The following SACS variants were observed in gnomAD, a reference collection of about 807,000 sequenced individuals.
The protein encoded by SACS is sacsin.
In SACS, 197 loss-of-function variants were observed where a neutral mutation model predicts 348.0. The ratio of observed to expected loss-of-function variants is 0.57; its 90% confidence interval spans 0.50 to 0.64. The LOEUF (loss-of-function observed/expected upper bound fraction) is 0.64, where lower values mean the gene tolerates loss of function less well. SACS is among the 30% of genes least tolerant of loss of function. The pLI, the probability that SACS is intolerant of heterozygous loss-of-function variation, is 0.00. For synonymous variants in SACS, 1,985 were observed against 1,910.6 expected (o/e 1.04, Z -1.02); for missense variants, 4,999 against 5,360.8 (o/e 0.93, Z 2.11).
chr13:23,340,139 T>C lies in SACS; in HGVS notation c.3737A>G (p.Tyr1246Cys), dbSNP rs951899422. 2 of 1,613,636 alleles carry C rather than the reference T, an allele frequency of 1.2e-6. No individual in the cohort carries two copies. The highest frequency in any genetic ancestry group is 1.7e-6 in the Non-Finnish European group (2 of 1,179,846). ...SSKTFSDEDY[Y>C]QFQHILLEIY... is the part of the protein sequence containing the mutation. ...CTCAAGCAAAATATGCTGGAATTGA[T>C]AGTAGTCTTCATCACTAAAGGTTTT... Residue 1246 changes from tyrosine (Y) to cysteine (C), a missense_variant, in exon 10 of 10, where the codon TAT (tyrosine) becomes TGT (cysteine). Tyr to Cys is a radical substitution (Grantham distance 194, BLOSUM62 -2). This residue lies in a region of SACS where 3,156 missense variants were observed against 3,380.1 expected (regional missense o/e 0.93). Transcript: ENST00000382292.
chr13:23,354,828 T>C lies in SACS; in HGVS notation c.1784A>G (p.Gln595Arg). The change falls in exon 8 of 10, where the codon CAG becomes CGG. Residue 595 changes from glutamine (Q) to arginine (R), a missense_variant. Around this residue, in one of 6 missense-constraint regions of SACS, gnomAD observed 3,156 missense variants for 3,380.1 expected, o/e 0.93. Coordinates refer to ENST00000382292, the MANE Select transcript of SACS (RefSeq NM_014363.6). ...CTTGGCAATCTGCTTCCCTGAGCTC[T>C]GGAGGTAGTTGAGCACAGTTTTTGT... ...EYTKTVLNYL[Q>R]SSGKQIAKVP... 2 of 1,614,236 alleles carry C rather than the reference T, an allele frequency of 1.2e-6. No homozygotes were observed. Among genetic ancestry groups the C allele is most frequent in the Non-Finnish European group, 1.7e-6 (2 of 1,180,026 alleles).
At chr13:23,356,806 A>C (rs187501657) in intron 7 of SACS, among the ~76,000 whole-genome samples, 2 of 152,162 alleles carry the variant, frequency 1.3e-5, no homozygotes, top group African/African-American at 2.4e-5. Flanking sequence ...GCAAGATGCA[A>C]CTCCAGTGAA....
In SACS at chr13:23,340,557, C is replaced by CCACTTGCACAACATCCT; in HGVS notation, c.3302_3318dup (p.Ala1107ArgfsTer25). The CCACTTGCACAACATCCT allele has an allele frequency of 6.2e-7, 1 of 1,611,822 alleles. No homozygotes were observed. Among genetic ancestry groups the CCACTTGCACAACATCCT allele is most frequent in the Non-Finnish European group, 8.5e-7 (1 of 1,179,348 alleles). On this transcript the variant is annotated frameshift_variant, in exon 10 of 10. Transcript: ENST00000382292. LOFTEE classifies it high-confidence loss of function. ...ACCTGTAAGGCTTCAATTTTTTTTG[C>CCACTTGCACAACATCCT]CACTTGCACAACATCCTTTTCTTTG...
In SACS at chr13:23,340,362, C is replaced by T. The variant is rs150694997; in HGVS notation, c.3514G>A (p.Val1172Ile). ...ERPPNYPGSL[V>I]WKGDLCNLCA... is the part of the protein sequence containing the mutation. Reference sequence around the variant, plus strand: ...AGATTACAGAGATCTCCTTTCCAGACCAAAGAGCCTGGATAATTTGGAGGC... The same window carrying T: ...AGATTACAGAGATCTCCTTTCCAGATCAAAGAGCCTGGATAATTTGGAGGC... The change falls in exon 10 of 10, where the codon GTC (valine) becomes ATC (isoleucine). Residue 1172 changes from valine (V) to isoleucine (I), a missense_variant. This residue lies in a region of SACS where 3,156 missense variants were observed against 3,380.1 expected (regional missense o/e 0.93). Transcript: ENST00000382292. The T allele has an allele frequency of 1.9e-6, 3 of 1,613,974 alleles. No individual in the cohort carries two copies. Among genetic ancestry groups the T allele is most frequent in the Non-Finnish European group, 2.5e-6 (3 of 1,179,978 alleles).
At chr13:23,378,817 C>T (rs1566093654) in intron 2 of SACS, among the ~76,000 whole-genome samples, 1 of 151,970 alleles carries the variant, frequency 6.6e-6, no homozygotes. Context: ...TGAATGCATG[C>T]TAATAATTAG....
At chr13:23,367,167 C>A (rs1871111750) in intron 5 of SACS, among the ~76,000 whole-genome samples, 1 of 152,208 alleles carries the variant, frequency 6.6e-6, no homozygotes, top group Non-Finnish European at 1.5e-5. Flanking sequence ...CCCAAAACCA[C>A]CTCGTAGCAA....
intron 6 of SACS, among the ~76,000 whole-genome samples, chr13:23,360,006 T>C (rs1870630205): frequency 6.6e-6 from 1 of 152,188 alleles, no homozygotes; most frequent in Admixed American, 6.5e-5. Flanking sequence ...GTGGGGACTC[T>C]GCAGTCAGGA....
intron 7 of SACS, 55 bp downstream of exon 7, chr13:23,358,280 A>T (rs1870516266): frequency 1.3e-6 from 2 of 1,570,900 alleles, no homozygotes; most frequent in African/African-American, 2.7e-5. Flanking sequence ...AATACATTAC[A>T]GAATGTAAGA....
chr13:23,345,658 A>T (rs1465055905), intron 9 of SACS, among the ~76,000 whole-genome samples: 6 of 152,240 alleles, frequency 3.9e-5, no homozygotes, highest in African/African-American at 1.4e-4. Flanking sequence ...TAAGAAAAAT[A>T]TAATAGTAAG....
Position 23,337,174 on chromosome 13 carries a change from A to C in SACS, c.6702T>G (p.Phe2234Leu). Residue 2234 changes from phenylalanine (F) to leucine (L), a missense_variant, in exon 10 of 10, where the codon TTT (phenylalanine) becomes TTG (leucine). Coordinates refer to ENST00000382292, the MANE Select transcript of SACS (RefSeq NM_014363.6). ...GFSLDWKGNS[F>L]KPETMFAATD... ...TTGCTGCAAACATGGTTTCAGGCTT[A>C]AAACTGTTGCCTTTCCAGTCCAAAG... is the stretch of plus-strand genomic sequence containing the variant. The C allele has an allele frequency of 6.2e-7, 1 of 1,614,002 alleles. No homozygotes were observed. Among genetic ancestry groups the C allele is most frequent in the Non-Finnish European group, 8.5e-7 (1 of 1,179,908 alleles).
intron 2 of SACS, among the ~76,000 whole-genome samples, chr13:23,396,322 T>TAA (rs1294931268): frequency 9.6e-6 from 1 of 103,798 alleles, no homozygotes; most frequent in African/African-American, 4.3e-5. Flanking sequence ...AGAATCTGTC[T>TAA]CAAAAAAAAA....
At position 23,336,397 on chromosome 13, in the gene SACS, T is replaced by C. The variant is rs756275071; in HGVS notation, c.7479A>G (p.Ala2493=). The part of the protein sequence containing the change: ...YCHADIPREV[A]VKLGAVPKRH... The stretch of plus-strand genomic sequence containing the variant: ...GCTTTGGGACTGCTCCTAGTTTTAC[T>C]GCTACTTCCCTGGGTATGTCAGCAT... Residue 2493 remains alanine, a synonymous_variant, in exon 10 of 10, where the codon GCA becomes GCG. Coordinates refer to ENST00000382292, the MANE Select transcript of SACS (RefSeq NM_014363.6). 1 of 1,614,116 alleles carries C rather than the reference T, an allele frequency of 6.2e-7. No individual in the cohort carries two copies. Among genetic ancestry groups the C allele is most frequent in the Non-Finnish European group, 8.5e-7 (1 of 1,179,942 alleles).
At position 23,355,093 on chromosome 13, in the gene SACS, T is replaced by C. The variant is rs372022664; in HGVS notation, c.1519A>G (p.Thr507Ala). ...CGTTTTATTGAATCTAAGATCAGAG[T>C]AGCATAAGCTTTGGGGACAACATTC... is the stretch of plus-strand genomic sequence containing the variant. Reference protein sequence around the residue: ...VMNVVPKAYATLILDSIKRLE... With the variant: ...VMNVVPKAYAALILDSIKRLE... The change falls in exon 8 of 10, where the codon ACT becomes GCT. Residue 507 changes from threonine (T) to alanine (A), a missense_variant. Around this residue, in one of 6 missense-constraint regions of SACS, gnomAD observed 3,156 missense variants for 3,380.1 expected, o/e 0.93. Coordinates refer to ENST00000382292, the MANE Select transcript of SACS (RefSeq NM_014363.6). The C allele has an allele frequency of 3.7e-5, 60 of 1,614,098 alleles. No individual in the cohort carries two copies. In the African/African-American group the frequency reaches 7.9e-4, roughly 21 times the overall value.
At position 23,358,351 on chromosome 13, in the gene SACS, A is replaced by C; in HGVS notation, c.588T>G (p.Ser196=). 2 of 1,614,172 alleles carry C rather than the reference A, an allele frequency of 1.2e-6. No individual in the cohort carries two copies. Among genetic ancestry groups the C allele is most frequent in the Non-Finnish European group, 1.7e-6 (2 of 1,179,972 alleles). ...KVGRFGIGFN[S]VYHITDVPCI... is the part of the protein sequence containing the mutation. ...ATACTCTACCTGTTATATGATAGAC[A>C]GAATTAAACCCAATTCCAAATCTTC... Residue 196 remains serine, a synonymous_variant, in exon 7 of 10, where the codon TCT becomes TCG. Transcript: ENST00000382292.
At position 23,333,059 on chromosome 13, in the gene SACS, T is replaced by C; in HGVS notation, c.10817A>G (p.Glu3606Gly). 6.2e-7 allele frequency: 1 copy of C among 1,613,996 alleles called. No homozygotes were observed. Residue 3606 changes from glutamate (E) to glycine (G), a missense_variant, in exon 10 of 10, where the codon GAA becomes GGA. By Grantham distance (98) the Glu-to-Gly change is moderately conservative. This residue lies in a region of SACS where 831 missense variants were observed against 941.8 expected (regional missense o/e 0.88). Transcript: ENST00000382292. The stretch of plus-strand genomic sequence containing the variant: ...TTCTGTATTAGCCCTCACACTGATT[T>C]CCTTAGCAAACTGTAACAACTGCTG... ...SQQQLLQFAK[E>G]ISVRANTENW...
intron 2 of SACS, among the ~76,000 whole-genome samples, chr13:23,394,517 T>C (rs1872640436): frequency 6.6e-6 from 1 of 152,184 alleles, no homozygotes; most frequent in Non-Finnish European, 1.5e-5. Context: ...TCAGAATAAT[T>C]TGTTCTTTAA....
At chr13:23,384,591 A>G (rs1872195918) in intron 2 of SACS, among the ~76,000 whole-genome samples, 1 of 152,222 alleles carries the variant, frequency 6.6e-6, no homozygotes. Context: ...ATCCTTTCAC[A>G]GCAAACTCCA....
At chr13:23,346,384 C>A (rs1433752218) in intron 9 of SACS, among the ~76,000 whole-genome samples, 2 of 152,090 alleles carry the variant, frequency 1.3e-5, no homozygotes, top group African/African-American at 4.8e-5. Context: ...GACCTCGTGA[C>A]CCACCTGCCT....
At chr13:23,396,756 CAGTTA>C (rs1204521801) in intron 2 of SACS, among the ~76,000 whole-genome samples, 1 of 152,048 alleles carries the variant, frequency 6.6e-6, no homozygotes, top group African/African-American at 2.4e-5. Flanking sequence ...AAATAGTTAA[CAGTTA>C]AGTTAACTTA....
Sources: allele counts gnomAD v4.1 joint callset (sites outside exome capture counted in the v4.1 genomes callset), GRCh38; gene constraint gnomAD v4.1.1; regional missense constraint gnomAD v4.1.1; transcripts MANE v1.5; gene names NCBI Gene and HGNC (gene_info 2026-07-23, HGNC 2026-07-21).